Variants in RNF222 observed in about 807,000 individuals in gnomAD.
RNF222 encodes the protein RING finger protein LOC643904.
RNF222 carries 14 observed loss-of-function variants against 10.8 expected under a neutral mutation model. That is an observed-to-expected ratio of 1.30 (90% CI 0.86 to 2.03). The LOEUF is 2.03. Among genes scored for constraint, RNF222 ranks in the 30% most tolerant of loss-of-function variants. The pLI, the probability that RNF222 is intolerant of heterozygous loss-of-function variation, is 0.00. For synonymous variants in RNF222, 141 were observed against 142.5 expected (o/e 0.99, Z 0.07); for missense variants, 298 against 295.8 (o/e 1.01, Z -0.06).
chr17:8,392,439 T>C lies in RNF222; in HGVS notation c.*360A>G. 1 of 253,434 alleles carries C rather than the reference T, an allele frequency of 3.9e-6. No homozygotes were observed. 15.7% of individuals were successfully genotyped at this position (253,434 alleles called of 1,614,324 possible). A position where few individuals can be genotyped will look rare whatever the true frequency, so the allele number is the denominator to read the frequency against. On this transcript the variant is annotated 3_prime_UTR_variant, in exon 3 of 3. Coordinates refer to ENST00000399398, the MANE Select transcript of RNF222 (RefSeq NM_001146684.3). This position sits in a 1 kb window ranked among gnomAD's most constrained non-coding sequence, Gnocchi z 4.3. ...CAGGACGTCTGCCTGCAGGACTTTC[T>C]TGTCCCTGGAGGGGCCCACCTGGCT...
At position 8,393,150 on chromosome 17, in the gene RNF222, G is replaced by A. The variant is rs534134338; in HGVS notation, c.312C>T (p.Gly104=). The A allele has an allele frequency of 8.4e-6, 13 of 1,548,024 alleles. No individual in the cohort carries two copies. Among genetic ancestry groups the A allele is most frequent in the Non-Finnish European group, 1.0e-5 (12 of 1,145,942 alleles). Reference sequence around the variant, plus strand: ...AGGAGGCGGCCAGGGGGTTTGTGTGGCCCAGGCTGTCCAGTGGGGGCACGG... The same window carrying A: ...AGGAGGCGGCCAGGGGGTTTGTGTGACCCAGGCTGTCCAGTGGGGGCACGG... ...LPSVPPLDSL[G]HTNPLAASSP... is the part of the protein sequence containing the mutation. Residue 104 remains glycine (G), a synonymous_variant, in exon 3 of 3, where the codon GGC becomes GGT. Coordinates refer to ENST00000399398, the MANE Select transcript of RNF222 (RefSeq NM_001146684.3).
intron 1 of RNF222, among the ~76,000 whole-genome samples, chr17:8,397,192 T>C (rs1444781437): frequency 6.6e-6 from 1 of 152,136 alleles, no homozygotes; most frequent in Non-Finnish European, 1.5e-5. Flanking sequence ...TCTTCAGACT[T>C]TGGTCAAAGG....
rs985937347 is a variant in RNF222, at chr17:8,393,390, C to G, written c.72G>C (p.Leu24=). ...CPVCYEKFRD[L]EGASRTLSCG... is the part of the protein sequence containing the mutation. ...AGCTCAGCGTCCGGCTGGCGCCCTC[C>G]AGGTCCCGGAACTTCTCATAGCACA... Residue 24 remains leucine, a synonymous_variant, in exon 3 of 3, where the codon CTG becomes CTC. Transcript: ENST00000399398. The G allele has an allele frequency of 3.9e-6, 6 of 1,551,568 alleles. No homozygotes were observed. The African/African-American group carries it at 8.2e-5, about 21-fold the overall frequency.
chr17:8,395,049 C>A (rs1158779869), intron 1 of RNF222, among the ~76,000 whole-genome samples: 1 of 152,212 alleles, frequency 6.6e-6, no homozygotes, highest in East Asian at 1.9e-4. Context: ...ATAGTGGGAA[C>A]AAAATCAATG....
rs1907932244 is a variant in RNF222, at chr17:8,393,395, C to A, written c.67G>T (p.Asp23Tyr). ...ECPVCYEKFR[D>Y]LEGASRTLSC... ...AGCGTCCGGCTGGCGCCCTCCAGGT[C>A]CCGGAACTTCTCATAGCACACGGGG... is the stretch of plus-strand genomic sequence containing the variant. Residue 23 changes from aspartate to tyrosine, a missense_variant, in exon 3 of 3, where the codon GAC becomes TAC. Physicochemically the swap from Asp to Tyr is radical, Grantham distance 160 (BLOSUM62 -3). Transcript: ENST00000399398. 1 of 1,551,550 alleles carries A rather than the reference C, an allele frequency of 6.4e-7. No homozygotes were observed. The highest frequency in any genetic ancestry group is 1.4e-5 in the African/African-American group (1 of 73,048).
chr17:8,395,844 T>A (rs969102150), intron 1 of RNF222, among the ~76,000 whole-genome samples: 1 of 152,248 alleles, frequency 6.6e-6, no homozygotes, highest in African/African-American at 2.4e-5. Context: ...GCCAATCAAC[T>A]ATTAATATGT....
In RNF222 at chr17:8,391,951, G is replaced by A. The variant is rs1240418371; in HGVS notation, c.*848C>T. On this transcript the variant is annotated 3_prime_UTR_variant, in exon 3 of 3. Transcript: ENST00000399398. ...GCTGGGAGGGAGGCGGGAGCCCCCA[G>A]GGGTTCGTTTGCCCACATAGTTCTC... 1.3e-5 allele frequency: 2 copies of A among 152,372 alleles called. No homozygotes were observed. The highest frequency in any genetic ancestry group is 3.8e-4 in the East Asian group (2 of 5,200). The allele number at this position is 152,372 out of a possible 1,614,324, so 9.4% of individuals were successfully genotyped here. A position where few individuals can be genotyped will look rare whatever the true frequency, so the allele number is the denominator to read the frequency against.
At position 8,391,121 on chromosome 17, in the gene RNF222, G is replaced by C. The variant is rs1952950831; in HGVS notation, c.*1678C>G. ...GCTCACTGCAACCTCCGCCTCCCGG[G>C]TTCAAGCGAATCTTCTGTCTCTCCC... On this transcript the variant is annotated 3_prime_UTR_variant, in exon 3 of 3. Coordinates refer to ENST00000399398, the MANE Select transcript of RNF222 (RefSeq NM_001146684.3). 1.3e-5 allele frequency: 2 copies of C among 152,180 alleles called. No homozygotes were observed. Among genetic ancestry groups the C allele is most frequent in the Admixed American group, 6.5e-5 (1 of 15,268 alleles). 9.4% of individuals were successfully genotyped at this position (152,180 alleles called of 1,614,324 possible).
At chr17:8,397,400 T>C (rs551191505) in intron 1 of RNF222, among the ~76,000 whole-genome samples, 1 of 152,006 alleles carries the variant, frequency 6.6e-6, no homozygotes, top group South Asian at 2.1e-4. Context: ...CGGAACAGAG[T>C]GTGGGGGCAG....
Position 8,392,649 on chromosome 17 carries a change from G to A in RNF222, c.*150C>T, listed in dbSNP as rs1907877646. The A allele has an allele frequency of 2.1e-6, 2 of 961,016 alleles. No homozygotes were observed. Among genetic ancestry groups the A allele is most frequent in the South Asian group, 1.7e-5 (1 of 57,712 alleles). The allele number at this position is 961,016 out of a possible 1,614,324, so 59.5% of individuals were successfully genotyped here. A position where few individuals can be genotyped will look rare whatever the true frequency, so the allele number is the denominator to read the frequency against. ...CTCTGTCGAGCGGAAGCCCCTGCGG[G>A]GGTCGGGGAAGCCCAAGGCCCTCTC... On this transcript the variant is annotated 3_prime_UTR_variant, in exon 3 of 3. Coordinates refer to ENST00000399398, the MANE Select transcript of RNF222 (RefSeq NM_001146684.3). The surrounding 1 kb of genome is among the most constrained non-coding windows in gnomAD (Gnocchi z 4.3).
At position 8,393,362 on chromosome 17, in the gene RNF222, C is replaced by T; in HGVS notation, c.100G>A (p.Gly34Ser). The change falls in exon 3 of 3, where the codon GGC (glycine) becomes AGC (serine). Residue 34 changes from glycine (G) to serine (S), a missense_variant. Coordinates refer to ENST00000399398, the MANE Select transcript of RNF222 (RefSeq NM_001146684.3). The stretch of plus-strand genomic sequence containing the variant: ...AGGCAGTCATGGCAGAACACATGGC[C>T]ACAGCTCAGCGTCCGGCTGGCGCCC... ...LEGASRTLSC[G>S]HVFCHDCLVK... The T allele has an allele frequency of 6.4e-7, 1 of 1,551,694 alleles. No homozygotes were observed. The highest frequency in any genetic ancestry group is 8.7e-7 in the Non-Finnish European group (1 of 1,147,000).
intron 1 of RNF222, among the ~76,000 whole-genome samples, chr17:8,395,402 T>G (rs1297531677): frequency 6.6e-6 from 1 of 152,234 alleles, no homozygotes; most frequent in African/African-American, 2.4e-5. Context: ...TGGTATCATC[T>G]TCCTCGGAGA....
intron 1 of RNF222, among the ~76,000 whole-genome samples, chr17:8,396,773 C>T (rs552966338): frequency 3.9e-5 from 6 of 152,332 alleles, no homozygotes; most frequent in East Asian, 1.9e-4. Flanking sequence ...CTGCCTCTCT[C>T]GCTTTCTGAA....
Position 8,392,904 on chromosome 17 carries a change from GGC to G in RNF222, c.556_557del (p.Ala186LeufsTer45), listed in dbSNP as rs1477541559. The G allele has an allele frequency of 6.5e-7, 1 of 1,532,176 alleles. No homozygotes were observed. Among genetic ancestry groups the G allele is most frequent in the East Asian group, 2.5e-5 (1 of 40,794 alleles). 94.9% of individuals were successfully genotyped at this position (1,532,176 alleles called of 1,614,324 possible). On this transcript the variant is annotated frameshift_variant, in exon 3 of 3. Transcript: ENST00000399398. LOFTEE classifies it high-confidence loss of function. The surrounding 1 kb of genome is among the most constrained non-coding windows in gnomAD (Gnocchi z 4.3). Reference sequence around the variant, plus strand: ...GCAGGGCCCGCGATCGGCAGCAGAAGGCGCGGGCGGAGCGGGGCGCCAGGGAG... The same window carrying G: ...GCAGGGCCCGCGATCGGCAGCAGAAGGCGGGCGGAGCGGGGCGCCAGGGAG... ...EASLAPRSARAFCCRSRALLL... is the reference protein window; with the variant it reads ...EASLAPRSARXFCCRSRALLL...
In RNF222 at chr17:8,393,264, G is replaced by A. The variant is rs192949616; in HGVS notation, c.198C>T (p.Tyr66=). The change falls in exon 3 of 3, where the codon TAC becomes TAT. Residue 66 remains tyrosine, a synonymous_variant. Coordinates refer to ENST00000399398, the MANE Select transcript of RNF222 (RefSeq NM_001146684.3). The part of the protein sequence containing the change: ...QRTLVCPICR[Y]VTFLSKKSSR... The stretch of plus-strand genomic sequence containing the variant: ...AGCTCTTCTTGCTGAGGAATGTGAC[G>A]TAGCGGCAGATGGGGCAGACCAGGG... 70 of 1,551,334 alleles carry A rather than the reference G, an allele frequency of 4.5e-5. No individual in the cohort carries two copies. In the African/African-American group the frequency reaches 9.2e-4, roughly 20 times the overall value.
intron 1 of RNF222, among the ~76,000 whole-genome samples, chr17:8,397,368 C>T (rs1269341703): frequency 6.6e-6 from 1 of 152,096 alleles, no homozygotes; most frequent in Non-Finnish European, 1.5e-5. Flanking sequence ...ACTGAGCCTC[C>T]CCCACAGCAG....
Position 8,392,997 on chromosome 17 carries a change from G to C in RNF222, c.465C>G (p.His155Gln). 2 of 1,502,516 alleles carry C rather than the reference G, an allele frequency of 1.3e-6. No homozygotes were observed. Among genetic ancestry groups the C allele is most frequent in the Non-Finnish European group, 1.8e-6 (2 of 1,131,564 alleles). 93.1% of individuals were successfully genotyped at this position (1,502,516 alleles called of 1,614,324 possible). Residue 155 changes from histidine to glutamine, a missense_variant, in exon 3 of 3, where the codon CAC (histidine) becomes CAG (glutamine). His to Gln is a conservative substitution (Grantham distance 24, BLOSUM62 0). Coordinates refer to ENST00000399398, the MANE Select transcript of RNF222 (RefSeq NM_001146684.3). This position sits in a 1 kb window ranked among gnomAD's most constrained non-coding sequence, Gnocchi z 4.3. ...RESQIFVISR[H>Q]GMPLGEQDSV... The stretch of plus-strand genomic sequence containing the variant: ...TGTCCTGCTCCCCCAGGGGCATCCC[G>C]TGGCGGCTGATGACAAAGATCTGTG...
intron 2 of RNF222, 122 bp from the exon 3 acceptor site, chr17:8,393,608 C>G: frequency 7.5e-7 from 1 of 1,327,634 alleles, no homozygotes; most frequent in South Asian, 1.5e-5. Flanking sequence ...TGCCTCCTCT[C>G]TCTTCCTCCT....
Position 8,393,481 on chromosome 17 carries a change from G to C in RNF222, c.-20C>G, listed in dbSNP as rs371653688. ...TGACATGGCCACTGGGAGATGGCAC[G>C]CTCAGCTGTGGACGGGAAGGGTTGT... On this transcript the variant is annotated 5_prime_UTR_variant, in exon 3 of 3. Transcript: ENST00000399398. 4 of 1,536,006 alleles carry C rather than the reference G, an allele frequency of 2.6e-6. No individual in the cohort carries two copies. The Admixed American group carries it at 8.0e-5, about 31-fold the overall frequency.
Sources: allele counts gnomAD v4.1 joint callset (sites outside exome capture counted in the v4.1 genomes callset), GRCh38; gene constraint gnomAD v4.1.1; non-coding constraint Gnocchi (gnomAD v3.1); transcripts MANE v1.5; gene names NCBI Gene and HGNC (gene_info 2026-07-23, HGNC 2026-07-21).